The following LCOR variants were observed in gnomAD, a reference collection of about 807,000 sequenced individuals.
LCOR encodes ligand-dependent corepressor.
LCOR carries 14 observed loss-of-function variants against 64.4 expected under a neutral mutation model. That is an observed-to-expected ratio of 0.22 (90% CI 0.14 to 0.34). The LOEUF is 0.34. LCOR is among the 10% of genes least tolerant of loss of function. The pLI is 1.00. For missense variants in LCOR, 1,686 were observed against 1,765.3 expected (o/e 0.96, Z 0.80); for synonymous variants, 643 against 642.5 (o/e 1.00, Z -0.01).
intron 2 of LCOR, among the ~76,000 whole-genome samples, chr10:96,895,318 A>G (rs571794533): frequency 5.7e-4 from 87 of 152,296 alleles, no homozygotes; most frequent in African/African-American, 2.0e-3. Flanking sequence ...CCAAAAGTGT[A>G]AGTGTCATTT....
chr10:96,909,007 G>A (rs1389177644), intron 4 of LCOR, among the ~76,000 whole-genome samples: 1 of 152,096 alleles, frequency 6.6e-6, no homozygotes, highest in African/African-American at 2.4e-5. Flanking sequence ...GAGCCACCGC[G>A]CCCGGCCTTC....
chr10:96,922,484 C>A (rs866189544), intron 4 of LCOR, among the ~76,000 whole-genome samples: 3 of 152,112 alleles, frequency 2.0e-5, no homozygotes. Context: ...CTTTATAATG[C>A]GATTGCCTCA....
chr10:96,868,977 C>G (rs1054704322), intron 2 of LCOR, among the ~76,000 whole-genome samples: 4 of 152,126 alleles, frequency 2.6e-5, no homozygotes, highest in Non-Finnish European at 4.4e-5. Context: ...ACAATCTTGG[C>G]TTACTGCATC....
intron 2 of LCOR, among the ~76,000 whole-genome samples, chr10:96,875,942 C>T (rs1357062537): frequency 6.6e-6 from 1 of 151,694 alleles, no homozygotes; most frequent in African/African-American, 2.4e-5. Flanking sequence ...TTCAGAGATC[C>T]CAGATTCTAC....
At chr10:96,911,790 G>T (rs1200236179) in intron 4 of LCOR, among the ~76,000 whole-genome samples, 2 of 152,172 alleles carry the variant, frequency 1.3e-5, no homozygotes, top group African/African-American at 4.8e-5. Context: ...TGGGCATAAA[G>T]TAGGCACTCT....
intron 4 of LCOR, among the ~76,000 whole-genome samples, chr10:96,942,411 T>C (rs971860784): frequency 9.9e-5 from 15 of 151,716 alleles, no homozygotes; most frequent in Non-Finnish European, 1.8e-4. Flanking sequence ...CAGCTTTGGC[T>C]CGGCATCAGA....
intron 2 of LCOR, among the ~76,000 whole-genome samples, chr10:96,901,463 A>G (rs1255610030): frequency 6.6e-6 from 1 of 152,118 alleles, no homozygotes; most frequent in Non-Finnish European, 1.5e-5. Flanking sequence ...AAATTCAGAT[A>G]TTTTACCAGG....
At chr10:96,953,880 G>C (rs941707875) in intron 7 of LCOR, among the ~76,000 whole-genome samples, 1 of 152,178 alleles carries the variant, frequency 6.6e-6, no homozygotes, top group Admixed American at 6.5e-5. Context: ...TTTCTGCAAA[G>C]CCCTATTTTG....
Position 96,982,426 on chromosome 10 carries a change from C to G in LCOR, c.1966C>G (p.Leu656Val). The G allele has an allele frequency of 6.2e-7, 1 of 1,614,176 alleles. No homozygotes were observed. The highest frequency in any genetic ancestry group is 8.5e-7 in the Non-Finnish European group (1 of 1,180,016). The change falls in exon 8 of 8, where the codon CTG (leucine) becomes GTG (valine). Residue 656 changes from leucine to valine, a missense_variant. By Grantham distance (32) the Leu-to-Val change is conservative. Coordinates refer to ENST00000421806, the MANE Select transcript of LCOR (RefSeq NM_001346516.2). ...TGAACACAACCAACCACCAGTTGCA[C>G]TGTTGGATACGGAGGAGATGAGTGT... The part of the protein sequence containing the change: ...SPEHNQPPVA[L>V]LDTEEMSVPQ...
chr10:96,936,982 A>G (rs1163077585), intron 4 of LCOR, among the ~76,000 whole-genome samples: 1 of 152,236 alleles, frequency 6.6e-6, no homozygotes, highest in Admixed American at 6.5e-5. Context: ...TTCTCAAAAT[A>G]TTTTATTGTA....
At chr10:96,924,375 T>TTTTGTTTG (rs72393708) in intron 4 of LCOR, among the ~76,000 whole-genome samples, 15 of 149,858 alleles carry the variant, frequency 1.0e-4, no homozygotes, top group South Asian at 2.1e-4. Context: ...GCCAATTTGT[T>TTTTGTTTG]TTTGTTTGTT....
At position 96,983,168 on chromosome 10, in the gene LCOR, G is replaced by A; in HGVS notation, c.2708G>A (p.Gly903Asp). Residue 903 changes from glycine (G) to aspartate (D), a missense_variant, in exon 8 of 8, where the codon GGC becomes GAC. Physicochemically the swap from Gly to Asp is moderately conservative, Grantham distance 94 (BLOSUM62 -1). Around this residue, in one of 3 missense-constraint regions of LCOR, gnomAD observed 1,293 missense variants for 1,410.4 expected, o/e 0.92. Coordinates refer to ENST00000421806, the MANE Select transcript of LCOR (RefSeq NM_001346516.2). This position sits in a 1 kb window ranked among gnomAD's most constrained non-coding sequence, Gnocchi z 4.5. ...AAAGATGCTGAGCAGGAGGGCGAAG[G>A]CGGGGGGATCATCACCAGGCAGACT... is the stretch of plus-strand genomic sequence containing the variant. ...SEKDAEQEGE[G>D]GGIITRQTLK... 1.2e-6 allele frequency: 2 copies of A among 1,614,148 alleles called. No individual in the cohort carries two copies. Among genetic ancestry groups the A allele is most frequent in the Non-Finnish European group, 1.7e-6 (2 of 1,180,044 alleles).
rs1332656946 is a variant in LCOR at position 96,991,064 on chromosome 10, C to T, written c.*5930C>T. ...AAAAAAAGCAACTATATGTGGCCCG[C>T]ATAGCCTGAAATATTTACTTCCTGA... On this transcript the variant is annotated 3_prime_UTR_variant, in exon 8 of 8. Transcript: ENST00000421806. The T allele has an allele frequency of 6.7e-6, 1 of 148,472 alleles. No individual in the cohort carries two copies. The highest frequency in any genetic ancestry group is 1.9e-4 in the East Asian group (1 of 5,140). 9.2% of individuals were successfully genotyped at this position (148,472 alleles called of 1,614,324 possible). A position where few individuals can be genotyped will look rare whatever the true frequency, so the allele number is the denominator to read the frequency against.
chr10:96,868,770 A>C (rs149131103), intron 2 of LCOR, among the ~76,000 whole-genome samples: 235 of 152,288 alleles, frequency 1.5e-3, no homozygotes, highest in Non-Finnish European at 2.7e-3. Flanking sequence ...ATTATTGTCC[A>C]TCTCCTCCAA....
chr10:96,920,967 T>G (rs577014172), intron 4 of LCOR, among the ~76,000 whole-genome samples: 1 of 151,942 alleles, frequency 6.6e-6, no homozygotes, highest in South Asian at 2.1e-4. Context: ...CTGGCTAATT[T>G]TTAAATTTTT....
At chr10:96,835,728 AAATT>A (rs1290933201) in intron 2 of LCOR, among the ~76,000 whole-genome samples, 2 of 152,186 alleles carry the variant, frequency 1.3e-5, no homozygotes, top group Admixed American at 6.5e-5. Context: ...TTTGGATTAA[AAATT>A]AATTCTCATT....
Position 96,983,740 on chromosome 10 carries a change from G to T in LCOR, c.3280G>T (p.Glu1094Ter). ...GGACGATGTTGACACCGTGGTAGATGAACAGCCAAAGTTTATGGAATGGTG... is the reference window on the plus strand; with the variant it reads ...GGACGATGTTGACACCGTGGTAGATTAACAGCCAAAGTTTATGGAATGGTG... ...DEDDVDTVVD[E>*]QPKFMEWCAE... is the part of the protein sequence containing the mutation. The change falls in exon 8 of 8, where the codon GAA becomes TAA. Residue 1094 changes from glutamate to a stop codon, truncating the protein, a stop_gained. Coordinates refer to ENST00000421806, the MANE Select transcript of LCOR (RefSeq NM_001346516.2). LOFTEE classifies it high-confidence loss of function. The surrounding 1 kb of genome is among the most constrained non-coding windows in gnomAD (Gnocchi z 4.5). 1 of 1,614,174 alleles carries T rather than the reference G, an allele frequency of 6.2e-7. No homozygotes were observed.
chr10:96,983,730 C>T lies in LCOR; in HGVS notation c.3270C>T (p.Thr1090=), dbSNP rs757664502. The stretch of plus-strand genomic sequence containing the variant: ...CCCTAGATGAGGACGATGTTGACAC[C>T]GTGGTAGATGAACAGCCAAAGTTTA... ...GDPLDEDDVD[T]VVDEQPKFME... The change falls in exon 8 of 8, where the codon ACC becomes ACT. Residue 1090 remains threonine (T), a synonymous_variant. Transcript: ENST00000421806. This position sits in a 1 kb window ranked among gnomAD's most constrained non-coding sequence, Gnocchi z 4.5. 1.4e-5 allele frequency: 23 copies of T among 1,614,056 alleles called. No homozygotes were observed. Among genetic ancestry groups the T allele is most frequent in the South Asian group, 2.2e-5 (2 of 91,064 alleles).
intron 4 of LCOR, among the ~76,000 whole-genome samples, chr10:96,920,577 CAT>C (rs747228823): frequency 3.6e-4 from 47 of 130,294 alleles, no homozygotes; most frequent in African/African-American, 6.6e-4. Flanking sequence ...TATGTATATT[CAT>C]ATATATGTGT....
Sources: allele counts gnomAD v4.1 joint callset (sites outside exome capture counted in the v4.1 genomes callset), GRCh38; gene constraint gnomAD v4.1.1; regional missense constraint gnomAD v4.1.1; non-coding constraint Gnocchi (gnomAD v3.1); transcripts MANE v1.5; gene names NCBI Gene and HGNC (gene_info 2026-07-23, HGNC 2026-07-21).